The following C16orf89 variants were observed in gnomAD, a reference collection of about 807,000 sequenced individuals.
C16orf89 encodes the protein UPF0764 protein C16orf89.
C16orf89 carries 57 observed loss-of-function variants against 41.5 expected under a neutral mutation model. The observed-to-expected ratio is 1.38, with a 90% CI of 1.11 to 1.71. The LOEUF is 1.71. Among genes scored for constraint, C16orf89 ranks in the 40% most tolerant of loss-of-function variants. C16orf89 has a pLI of 0.00. For synonymous variants in C16orf89, 223 were observed against 190.6 expected (o/e 1.17, Z -1.40); for missense variants, 575 against 445.9 (o/e 1.29, Z -2.61).
chr16:5,047,563 G>T (rs1321243648), intron 7 of C16orf89, among the ~76,000 whole-genome samples: 1 of 151,934 alleles, frequency 6.6e-6, no homozygotes, highest in Non-Finnish European at 1.5e-5. Flanking sequence ...CACCTCCTGG[G>T]TTCAAGTAAA....
At chr16:5,053,928 A>G (rs947010326) in intron 6 of C16orf89, among the ~76,000 whole-genome samples, 1 of 152,220 alleles carries the variant, frequency 6.6e-6, no homozygotes, top group African/African-American at 2.4e-5. Flanking sequence ...TGCTCATTAC[A>G]TATTGTATAC....
At chr16:5,046,620 G>A (rs1217514108) in intron 7 of C16orf89, among the ~76,000 whole-genome samples, 1 of 152,130 alleles carries the variant, frequency 6.6e-6, no homozygotes, top group Non-Finnish European at 1.5e-5. Context: ...CAAAGTGCTA[G>A]GATTACAGGC....
chr16:5,064,135 T>C (rs1226948847), intron 1 of C16orf89, among the ~76,000 whole-genome samples: 2 of 151,596 alleles, frequency 1.3e-5, no homozygotes, highest in Non-Finnish European at 2.9e-5. Flanking sequence ...AAAATAATAA[T>C]AATATAATAA....
rs370754766 is a variant in C16orf89, at chr16:5,065,921, C to T, written c.-13G>A. 4 of 1,611,148 alleles carry T rather than the reference C, an allele frequency of 2.5e-6. No homozygotes were observed. The African/African-American group carries it at 4.0e-5, about 16-fold the overall frequency. ...CCAGGCTGGCCATGGCCGGCCTCTGCTCACTGCTGGTCACACGCTCAGCAC... is the reference window on the plus strand; with the variant it reads ...CCAGGCTGGCCATGGCCGGCCTCTGTTCACTGCTGGTCACACGCTCAGCAC... On this transcript the variant is annotated 5_prime_UTR_variant, in exon 1 of 8. Coordinates refer to ENST00000472572, the MANE Select transcript of C16orf89 (RefSeq NM_001098514.3).
At chr16:5,057,954 T>G (rs1956543831) in intron 4 of C16orf89, among the ~76,000 whole-genome samples, 1 of 152,102 alleles carries the variant, frequency 6.6e-6, no homozygotes, top group Admixed American at 6.6e-5. Context: ...TCTGTTTCAC[T>G]GGCCTAACAG....
At position 5,056,051 on chromosome 16, in the gene C16orf89, A is replaced by T. The variant is rs1038070427; in HGVS notation, c.763+2T>A. The T allele has an allele frequency of 1.3e-6, 2 of 1,590,996 alleles. No individual in the cohort carries two copies. Among genetic ancestry groups the T allele is most frequent in the Non-Finnish European group, 1.7e-6 (2 of 1,162,324 alleles). Reference sequence around the variant, plus strand: ...GCCCCGGGGGCAGAATGCTGGCCATACTGTTTTCCATGAAGATGTCCCGGG... The same window carrying T: ...GCCCCGGGGGCAGAATGCTGGCCATTCTGTTTTCCATGAAGATGTCCCGGG... On this transcript the variant is annotated splice_donor_variant, in intron 5 of 7. Coordinates refer to ENST00000472572, the MANE Select transcript of C16orf89 (RefSeq NM_001098514.3). LOFTEE classifies it high-confidence loss of function.
chr16:5,065,525 T>C (rs1956721376), intron 1 of C16orf89, among the ~76,000 whole-genome samples, 176 bp downstream of exon 1: 4 of 152,202 alleles, frequency 2.6e-5, no homozygotes, highest in Admixed American at 2.0e-4. Context: ...GCGTAACAGT[T>C]AGCTGGGCCA....
At chr16:5,065,662 C>T in intron 1 of C16orf89, 39 bp downstream of exon 1, 1 of 1,572,680 alleles carries the variant, frequency 6.4e-7, no homozygotes, top group Non-Finnish European at 8.7e-7. Flanking sequence ...TGAGAGCTAG[C>T]TTCCCAGTGT....
Position 5,058,619 on chromosome 16 carries a change from A to T in C16orf89, c.510-9T>A, listed in dbSNP as rs767180204. ...GCTCGCTGCTGTCCGTCCTGGGGGA[A>T]AGTGGTTCCAAGCTGTTAAGGATGG... is the stretch of plus-strand genomic sequence containing the variant. On this transcript the variant is annotated splice_polypyrimidine_tract_variant and intron_variant, in intron 3 of 7. Transcript: ENST00000472572. 4 of 1,596,354 alleles carry T rather than the reference A, an allele frequency of 2.5e-6. 1 individual carries two copies. In the South Asian group the frequency reaches 4.4e-5, roughly 18 times the overall value.
Position 5,065,881 on chromosome 16 carries a change from G to T in C16orf89, c.28C>A (p.Leu10Ile). The T allele has an allele frequency of 1.9e-6, 3 of 1,614,034 alleles. No homozygotes were observed. Among genetic ancestry groups the T allele is most frequent in the Non-Finnish European group, 2.5e-6 (3 of 1,179,980 alleles). Residue 10 changes from leucine to isoleucine, a missense_variant, in exon 1 of 8, where the codon CTC becomes ATC. Leu to Ile is a conservative substitution (Grantham distance 5, BLOSUM62 2). Coordinates refer to ENST00000472572, the MANE Select transcript of C16orf89 (RefSeq NM_001098514.3). ...AGCGGTGGCAGTGCTGTCAGTAAGA[G>T]CAGGAGCAGCAGCCCCAGGCTGGCC... is the stretch of plus-strand genomic sequence containing the variant. MASLGLLLL[L>I]LLTALPPLWS... is the part of the protein sequence containing the mutation.
intron 7 of C16orf89, among the ~76,000 whole-genome samples, chr16:5,046,301 C>T (rs1378979480): frequency 6.6e-6 from 1 of 151,970 alleles, no homozygotes; most frequent in Non-Finnish European, 1.5e-5. Context: ...ATTCCATATC[C>T]CTTCCTGTTT....
Position 5,058,547 on chromosome 16 carries a change from G to T in C16orf89, c.573C>A (p.Gly191=). The T allele has an allele frequency of 6.2e-7, 1 of 1,612,804 alleles. No homozygotes were observed. The change falls in exon 4 of 8, where the codon GGC becomes GGA. Residue 191 remains glycine, a synonymous_variant. Coordinates refer to ENST00000472572, the MANE Select transcript of C16orf89 (RefSeq NM_001098514.3). ...DLCRSLMTKP[G]CSGYCLSHQL... ...GGTGGGACAGGCAGTAGCCTGAGCA[G>T]CCGGGCTTGGTCATGAGGCTCCTGC...
intron 7 of C16orf89, among the ~76,000 whole-genome samples, chr16:5,046,729 C>T (rs957251315): frequency 6.6e-6 from 1 of 152,178 alleles, no homozygotes; most frequent in Non-Finnish European, 1.5e-5. Flanking sequence ...TGTCCCCCTC[C>T]TTCCCTTTCT....
intron 2 of C16orf89, 123 bp downstream of exon 2, chr16:5,062,302 T>G: frequency 8.0e-7 from 1 of 1,242,476 alleles, no homozygotes; most frequent in Non-Finnish European, 1.1e-6. Flanking sequence ...AGCAGACAGG[T>G]CCAAGTTGGT....
rs746248833 is a variant in C16orf89, at chr16:5,055,313, G to C, written c.801C>G (p.Tyr267Ter). Residue 267 changes from tyrosine to a stop codon, truncating the protein, a stop_gained, in exon 6 of 8, where the codon TAC becomes TAG. Coordinates refer to ENST00000472572, the MANE Select transcript of C16orf89 (RefSeq NM_001098514.3). LOFTEE classifies it high-confidence loss of function. ...FCGMGGFSDFYKLRWLEAILS... is the reference protein window; with the variant it reads ...FCGMGGFSDF ...GAATGGCCTCCAGCCACCGGAGCTT[G>C]TAGAAGTCGGAGAAGCCGCCCATTC... is the stretch of plus-strand genomic sequence containing the variant. 19 of 1,613,262 alleles carry C rather than the reference G, an allele frequency of 1.2e-5. No individual in the cohort carries two copies. The highest frequency in any genetic ancestry group is 1.4e-5 in the Non-Finnish European group (16 of 1,179,688).
chr16:5,054,144 T>C (rs1956446482), intron 6 of C16orf89, among the ~76,000 whole-genome samples: 1 of 152,216 alleles, frequency 6.6e-6, no homozygotes, highest in African/African-American at 2.4e-5. Context: ...TCGTGGAGCA[T>C]CCCAAGCTTC....
chr16:5,045,817 G>A (rs1956285517), intron 7 of C16orf89, among the ~76,000 whole-genome samples: 1 of 152,150 alleles, frequency 6.6e-6, no homozygotes, highest in Non-Finnish European at 1.5e-5. Context: ...TACACCAGCT[G>A]CCTCCTGCTC....
chr16:5,062,662 C>G (rs1418551635), intron 1 of C16orf89, 88 bp from the exon 2 acceptor site: 5 of 1,373,032 alleles, frequency 3.6e-6, no homozygotes, highest in Non-Finnish European at 4.9e-6. Context: ...GCCCCAAAGT[C>G]TAATGCTTCC....
chr16:5,055,224 C>T, intron 6 of C16orf89, 22 bp downstream of exon 6: 2 of 1,566,950 alleles, frequency 1.3e-6, no homozygotes, highest in East Asian at 4.6e-5. Flanking sequence ...CCCTTCTTAG[C>T]CAGGGCAGCA....
Sources: gnomAD v4.1 joint callset for allele counts (sites outside exome capture counted in the v4.1 genomes callset) on GRCh38, gnomAD v4.1.1 for gene constraint, MANE v1.5 for transcripts, NCBI Gene and HGNC (gene_info 2026-07-23, HGNC 2026-07-21) for gene names.